Variants in STS observed in about 807,000 individuals in gnomAD.
The protein encoded by STS is steryl-sulfatase.
STS carries 7 observed loss-of-function variants against 26.8 expected under a neutral mutation model. The observed-to-expected ratio is 0.26, with a 90% CI of 0.15 to 0.49. STS has a LOEUF of 0.49. Among genes scored for constraint, STS ranks in the 20% least tolerant of loss-of-function variants. The pLI is 0.98. For missense variants in STS, 434 were observed against 465.6 expected, an observed-to-expected ratio of 0.93 and a Z score of 0.63; for synonymous variants, 199 against 189.4, an observed-to-expected ratio of 1.05 and a Z score of -0.42.
At chrX:7,175,489 G>T (rs1008229140) in intron 1 of STS, among the ~76,000 whole-genome samples, 1 of 71,442 alleles carries the variant, frequency 1.4e-5, no homozygotes, top group Non-Finnish European at 2.7e-5. Context: ...GTGAGACCTG[G>T]TCTCAACAAA....
intron 9 of STS, among the ~76,000 whole-genome samples, chrX:7,332,755 C>T (rs1158985774): frequency 1.8e-5 from 2 of 111,644 alleles, no homozygotes; most frequent in East Asian, 5.6e-4. Flanking sequence ...GGGATGGAAA[C>T]AGTATTTCAG....
At chrX:7,258,267 GGATA>G (rs55667371) in intron 5 of STS, among the ~76,000 whole-genome samples, 1,216 of 102,164 alleles carry the variant, frequency 0.012, 8 homozygotes, top group African/African-American at 0.027. Context: ...ATAGATGGTT[GGATA>G]GATAGATAGA....
rs1928778640 is a variant in STS at position 7,351,121 on chromosome X, C to T, written c.*860C>T. The T allele has an allele frequency of 9.0e-6, 1 of 111,682 alleles. No homozygotes were observed. Among genetic ancestry groups the T allele is most frequent in the African/African-American group, 3.3e-5 (1 of 30,712 alleles). 9.2% of individuals were successfully genotyped at this position (111,682 alleles called of 1,213,427 possible). A position where few individuals can be genotyped will look rare whatever the true frequency, so the allele number is the denominator to read the frequency against. ...AATTTGTAGTATAATTCTTGGATTC[C>T]ACTGTTTTCTTTGGGGAATGGAAGT... On this transcript the variant is annotated 3_prime_UTR_variant, in exon 11 of 11. Transcript: ENST00000674429.
intron 9 of STS, among the ~76,000 whole-genome samples, chrX:7,331,838 C>T (rs886613258): frequency 7.2e-5 from 7 of 97,521 alleles, no homozygotes; most frequent in East Asian, 3.2e-4. Context: ...TCCATAGCAG[C>T]GTGATTTATG....
intron 10 of STS, 82 bp from the exon 11 acceptor site, chrX:7,349,806 T>C (rs1928706394): frequency 8.5e-7 from 1 of 1,169,661 alleles, no homozygotes; most frequent in Non-Finnish European, 1.2e-6. Flanking sequence ...CATGGCAGCA[T>C]AATTTCCGCA....
chrX:7,241,027 G>A (rs925371237), intron 2 of STS, among the ~76,000 whole-genome samples: 5 of 111,412 alleles, frequency 4.5e-5, no homozygotes, highest in Admixed American at 1.9e-4. Context: ...GTCTGATCAC[G>A]ATGATTTATC....
At chrX:7,319,496 C>T (rs373113453) in intron 8 of STS, among the ~76,000 whole-genome samples, 4 of 109,967 alleles carry the variant, frequency 3.6e-5, no homozygotes, top group African/African-American at 1.3e-4. Context: ...TTTTCAGCCA[C>T]TCTGTCAAGT....
At chrX:7,174,088 T>C (rs1261841376) in intron 1 of STS, among the ~76,000 whole-genome samples, 1 of 111,348 alleles carries the variant, frequency 9.0e-6, no homozygotes, top group Non-Finnish European at 1.9e-5. Context: ...ACATGAAATA[T>C]CTGCACATAC....
At chrX:7,161,157 G>A (rs1933236631) in intron 1 of STS, among the ~76,000 whole-genome samples, 1 of 108,776 alleles carries the variant, frequency 9.2e-6, no homozygotes, top group African/African-American at 3.3e-5. Flanking sequence ...AGTAGAGATG[G>A]GGTTTTGCCA....
At chrX:7,196,389 A>G (rs1329465673) in intron 2 of STS, among the ~76,000 whole-genome samples, 1 of 112,139 alleles carries the variant, frequency 8.9e-6, no homozygotes, top group Non-Finnish European at 1.9e-5. Context: ...CTCTCTTAGA[A>G]AACAGTAACT....
At chrX:7,296,579 TA>T (rs1925674900) in intron 7 of STS, among the ~76,000 whole-genome samples, 1 of 111,626 alleles carries the variant, frequency 9.0e-6, no homozygotes, top group African/African-American at 3.3e-5. Flanking sequence ...CCGGAAGGAG[TA>T]TAGTTCCACA....
chrX:7,155,307 T>TA (rs1263565530), intron 1 of STS, among the ~76,000 whole-genome samples: 1 of 112,325 alleles, frequency 8.9e-6, no homozygotes, highest in Non-Finnish European at 1.9e-5. Flanking sequence ...CATTCTGACT[T>TA]ACATTCTGCC....
chrX:7,214,223 G>A (rs1462547844), intron 2 of STS, among the ~76,000 whole-genome samples: 2 of 112,033 alleles, frequency 1.8e-5, no homozygotes, highest in Non-Finnish European at 3.8e-5. Context: ...CCCTTTTTCT[G>A]CTGAGTCACA....
At chrX:7,333,957 G>T (rs757597527) in intron 9 of STS, 29 bp from the exon 10 acceptor site, 3 of 1,209,247 alleles carry the variant, frequency 2.5e-6, no homozygotes, top group African/African-American at 3.5e-5. Flanking sequence ...ACTGATTCAC[G>T]TCTTGATGCC....
intron 2 of STS, among the ~76,000 whole-genome samples, chrX:7,251,803 A>C (rs1443639686): frequency 9.0e-6 from 1 of 110,671 alleles, no homozygotes; most frequent in East Asian, 2.8e-4. Context: ...AAAAATAAAA[A>C]TAAAAATATT....
chrX:7,195,731 G>C (rs1421521931), intron 2 of STS, among the ~76,000 whole-genome samples: 1 of 112,138 alleles, frequency 8.9e-6, no homozygotes, highest in Non-Finnish European at 1.9e-5. Context: ...GGCTGCTCCT[G>C]GGAGCTTCTT....
At position 7,354,366 on chromosome X, in the gene STS, C is replaced by T. The variant is rs1301845462; in HGVS notation, c.*4105C>T. 1.8e-5 allele frequency: 2 copies of T among 111,753 alleles called. No homozygotes were observed. The highest frequency in any genetic ancestry group is 3.8e-5 in the Non-Finnish European group (2 of 53,203). The allele number at this position is 111,753 out of a possible 1,213,427, so 9.2% of individuals were successfully genotyped here. ...TACAAGTCCCCATTGCTGTGGTCCC[C>T]GTACCTGTCATGATGGTCCTAAATA... On this transcript the variant is annotated 3_prime_UTR_variant, in exon 11 of 11. Coordinates refer to ENST00000674429, the MANE Select transcript of STS (RefSeq NM_001320752.2).
intron 6 of STS, among the ~76,000 whole-genome samples, chrX:7,261,790 A>G (rs1486866935): frequency 1.8e-5 from 2 of 112,238 alleles, no homozygotes; most frequent in African/African-American, 6.5e-5. Flanking sequence ...TGTTTCATCA[A>G]CTCTGACAGA....
chrX:7,227,355 TA>T (rs1383632488), intron 2 of STS, among the ~76,000 whole-genome samples: 1 of 111,228 alleles, frequency 9.0e-6, no homozygotes, highest in Non-Finnish European at 1.9e-5. Flanking sequence ...TAGAAGCATC[TA>T]AAAAAACCAA....
Sources: allele counts gnomAD v4.1 joint callset (sites outside exome capture counted in the v4.1 genomes callset), GRCh38; gene constraint gnomAD v4.1.1; transcripts MANE v1.5; gene names NCBI Gene and HGNC (gene_info 2026-07-23, HGNC 2026-07-21).